Variants in RBFOX1 observed in about 807,000 individuals in gnomAD.
The protein encoded by RBFOX1 is RNA binding fox-1 homolog 1, also known as RNA binding protein fox-1 homolog 1.
In RBFOX1, 8 loss-of-function variants were observed where a neutral mutation model predicts 57.7. The observed-to-expected ratio is 0.14, with a 90% CI of 0.08 to 0.25. The LOEUF is 0.25. Ranked by LOEUF, RBFOX1 falls within the 10% of genes least tolerant of loss-of-function variation. The pLI, the probability that RBFOX1 is intolerant of heterozygous loss-of-function variation, is 1.00. For missense variants in RBFOX1, 611 were observed against 548.5 expected, an observed-to-expected ratio of 1.11 and a Z score of -1.14; for synonymous variants, 326 against 222.4, an observed-to-expected ratio of 1.47 and a Z score of -4.15.
chr16:7,215,405 C>G (rs912728829), intron 4 of RBFOX1, among the ~76,000 whole-genome samples: 8 of 152,138 alleles, frequency 5.3e-5, no homozygotes, highest in Non-Finnish European at 1.0e-4. Context: ...ATAGCAAAGA[C>G]TTGGAACCAA....
chr16:6,358,229 G>A (rs1190315425), intron 2 of RBFOX1, among the ~76,000 whole-genome samples: 8 of 152,140 alleles, frequency 5.3e-5, no homozygotes, highest in Admixed American at 5.2e-4. Flanking sequence ...AAAATTAAAT[G>A]TATCAACCCA....
intron 1 of RBFOX1, among the ~76,000 whole-genome samples, chr16:5,386,102 CA>C (rs2066247630): frequency 8.4e-6 from 1 of 119,002 alleles, no homozygotes; most frequent in African/African-American, 3.3e-5. Flanking sequence ...GGAAAGTTTG[CA>C]ACTTTTTTTT....
intron 1 of RBFOX1, among the ~76,000 whole-genome samples, chr16:5,398,567 C>CGT (rs141831881): frequency 0.015 from 2,260 of 148,850 alleles, 38 homozygotes; most frequent in African/African-American, 0.041. Context: ...TGCATCTGTA[C>CGT]GTGTGTGTGT....
intron 3 of RBFOX1, among the ~76,000 whole-genome samples, chr16:6,740,418 A>G (rs969620687): frequency 6.6e-6 from 1 of 152,218 alleles, no homozygotes; most frequent in Admixed American, 6.5e-5. Flanking sequence ...AATATAAATA[A>G]AAGGCATACA....
chr16:5,788,248 C>T (rs1258346103), intron 3 of RBFOX1, among the ~76,000 whole-genome samples: 2 of 152,174 alleles, frequency 1.3e-5, no homozygotes, highest in Admixed American at 1.3e-4. Context: ...CAGCATATGT[C>T]ACCCTTTCCA....
At chr16:7,389,595 G>T (rs534122587) in intron 4 of RBFOX1, among the ~76,000 whole-genome samples, 1 of 152,114 alleles carries the variant, frequency 6.6e-6, no homozygotes, top group Non-Finnish European at 1.5e-5. Flanking sequence ...CTATGGTAAG[G>T]CAAAACACTA....
chr16:6,547,481 G>A (rs1055134789), intron 2 of RBFOX1, among the ~76,000 whole-genome samples: 1 of 152,138 alleles, frequency 6.6e-6, no homozygotes, highest in African/African-American at 2.4e-5. Context: ...ATCTTTAATT[G>A]CTGATAACAG....
rs2098687352 is a variant in RBFOX1, at chr16:6,659,441, A to G, written c.-16+4791A>G. The stretch of plus-strand genomic sequence containing the variant: ...GGTTAACACTGAGAGTTCTGAACTC[A>G]TCTTTTTACAATACTTCTTCCAGAT... On this transcript the variant is annotated intron_variant, in intron 3 of 15. Transcript: ENST00000550418. Among the ~76,000 whole-genome samples, 4 of 152,276 alleles carry G rather than the reference A, an allele frequency of 2.6e-5. 1 individual carries two copies. The South Asian group carries it at 8.3e-4, about 32-fold the overall frequency.
chr16:7,438,364 G>A (rs2098739209), intron 4 of RBFOX1, among the ~76,000 whole-genome samples: 1 of 151,996 alleles, frequency 6.6e-6, no homozygotes, highest in Non-Finnish European at 1.5e-5. Context: ...GGTCCTCTGG[G>A]GCCACGGTGA....
intron 5 of RBFOX1, among the ~76,000 whole-genome samples, chr16:7,559,052 T>C (rs1208473531): frequency 6.6e-6 from 1 of 152,152 alleles, no homozygotes; most frequent in Non-Finnish European, 1.5e-5. Flanking sequence ...AAGGAGAAGG[T>C]AGTAATCCTA....
At chr16:5,929,394 G>A (rs2059001816) in intron 4 of RBFOX1, among the ~76,000 whole-genome samples, 1 of 152,078 alleles carries the variant, frequency 6.6e-6, no homozygotes, top group Non-Finnish European at 1.5e-5. Flanking sequence ...TCATGGTTCT[G>A]GAAAGAGAAT....
intron 4 of RBFOX1, among the ~76,000 whole-genome samples, chr16:7,186,988 C>T (rs890413274): frequency 8.6e-6 from 1 of 116,926 alleles, no homozygotes; most frequent in African/African-American, 4.2e-5. Context: ...GGAAACCCCA[C>T]CTCCACAAAA....
At chr16:6,169,514 G>C (rs1447298274) in intron 1 of RBFOX1, among the ~76,000 whole-genome samples, 1 of 152,140 alleles carries the variant, frequency 6.6e-6, no homozygotes, top group Admixed American at 6.6e-5. Context: ...GAATCAGGCA[G>C]CCCCCAGAAT....
chr16:6,906,959 A>G (rs2070161360), intron 3 of RBFOX1, among the ~76,000 whole-genome samples: 1 of 152,038 alleles, frequency 6.6e-6, no homozygotes, highest in Non-Finnish European at 1.5e-5. Context: ...CCTGACCTTA[A>G]GTGATCAGCC....
chr16:6,840,903 A>AAAAG (rs111308498), intron 3 of RBFOX1, among the ~76,000 whole-genome samples: 4 of 150,888 alleles, frequency 2.7e-5, no homozygotes, highest in African/African-American at 9.8e-5. Flanking sequence ...AAAAAAAAAA[A>AAAAG]ACGAAAAAAG....
At chr16:6,439,471 C>T (rs1021669847) in intron 2 of RBFOX1, among the ~76,000 whole-genome samples, 4 of 152,166 alleles carry the variant, frequency 2.6e-5, no homozygotes, top group Admixed American at 1.3e-4. Flanking sequence ...ATGGGATTGT[C>T]GAGGAATGTG....
intron 3 of RBFOX1, among the ~76,000 whole-genome samples, chr16:6,963,825 A>C (rs1193481397): frequency 1.3e-4 from 20 of 150,338 alleles, no homozygotes; most frequent in Admixed American, 1.3e-3. Flanking sequence ...CAGCCTCTCG[A>C]GTAGCTGGGG....
At chr16:6,367,359 C>A (rs1260845024) in intron 2 of RBFOX1, among the ~76,000 whole-genome samples, 4 of 152,246 alleles carry the variant, frequency 2.6e-5, no homozygotes, top group Admixed American at 2.0e-4. Flanking sequence ...CAACCTCTGC[C>A]TCCCGGGTTC....
At chr16:6,050,777 T>A (rs1382031225) in intron 1 of RBFOX1, among the ~76,000 whole-genome samples, 1 of 152,040 alleles carries the variant, frequency 6.6e-6, no homozygotes, top group African/African-American at 2.4e-5. Context: ...GAAAAATGCT[T>A]GATTTTCTCT....
Sources: gnomAD v4.1 joint callset for allele counts (sites outside exome capture counted in the v4.1 genomes callset) on GRCh38, gnomAD v4.1.1 for gene constraint, MANE v1.5 for transcripts, NCBI Gene and HGNC (gene_info 2026-07-23, HGNC 2026-07-21) for gene names.